The following ADGRE1 variants were observed in gnomAD, a reference collection of about 807,000 sequenced individuals.
ADGRE1 encodes the protein EGF-like module receptor 1.
In ADGRE1, 82 loss-of-function variants were observed where a neutral mutation model predicts 102.7. The ratio of observed to expected loss-of-function variants is 0.80; its 90% CI spans 0.67 to 0.96. ADGRE1 has a LOEUF of 0.96. ADGRE1 is among the 40% of genes least tolerant of loss of function. The pLI is 0.00. For missense variants in ADGRE1, 1,032 were observed against 1,085.3 expected (o/e 0.95, Z 0.69); for synonymous variants, 398 against 399.6 (o/e 1.00, Z 0.05).
chr19:6,927,305 C>CTCCCTTCTTCCCTTCCT (rs1974964034), intron 16 of ADGRE1, among the ~76,000 whole-genome samples: 2 of 138,868 alleles, frequency 1.4e-5, no homozygotes, highest in South Asian at 2.4e-4. Flanking sequence ...CCCTCTCTTC[C>CTCCCTTCTTCCCTTCCT]TCCCTTCCTC....
chr19:6,903,809 G>T lies in ADGRE1; in HGVS notation c.662-1G>T. 1 of 1,614,004 alleles carries T rather than the reference G, an allele frequency of 6.2e-7. No homozygotes were observed. The highest frequency in any genetic ancestry group is 8.5e-7 in the Non-Finnish European group (1 of 1,179,938). ...CTCCACACCCATTCTGTACCCCACA[G>T]ATATTGATGAATGCACTGAAATGTG... On this transcript the variant is annotated splice_acceptor_variant, in intron 6 of 20. Transcript: ENST00000312053. LOFTEE classifies it high-confidence loss of function.
chr19:6,906,940 A>G (rs190595220), intron 9 of ADGRE1, among the ~76,000 whole-genome samples: 185 of 152,292 alleles, frequency 1.2e-3, no homozygotes, highest in African/African-American at 4.3e-3. Context: ...ATGTTTGCCT[A>G]TCTAAAACTT....
intron 11 of ADGRE1, 128 bp from the exon 12 acceptor site, chr19:6,916,118 TATG>T: frequency 1.0e-6 from 1 of 969,240 alleles, no homozygotes; most frequent in African/African-American, 1.6e-5. Context: ...AGATCTTTCC[TATG>T]ATGAATTGAA....
At chr19:6,925,411 T>C (rs3848571) in intron 15 of ADGRE1, among the ~76,000 whole-genome samples, 83,267 of 152,054 alleles carry the variant, frequency 0.55, 25,588 homozygotes, top group African/African-American at 0.83. Flanking sequence ...GCTTCAGCCA[T>C]CACGCACGGC....
At chr19:6,888,229 TA>T (rs1458547864) in intron 1 of ADGRE1, among the ~76,000 whole-genome samples, 3 of 152,098 alleles carry the variant, frequency 2.0e-5, no homozygotes, top group African/African-American at 7.2e-5. Flanking sequence ...CCCCAAAAAA[TA>T]AGTAAACATA....
rs534669609 is a variant in ADGRE1 at position 6,908,677 on chromosome 19, T to C, written c.1039-12T>C. On this transcript the variant is annotated splice_polypyrimidine_tract_variant and intron_variant, in intron 9 of 20. Transcript: ENST00000312053. ...CTCACAAATGCTCTTTTTTTTTTTT[T>C]CTGGGACGCAGGTCTCCTTTTGTGC... 2.4e-5 allele frequency: 38 copies of C among 1,579,442 alleles called. No individual in the cohort carries two copies. The African/African-American group carries it at 4.0e-4, about 17-fold the overall frequency.
intron 16 of ADGRE1, 90 bp downstream of exon 16, chr19:6,926,691 C>A (rs1974926529): frequency 2.2e-6 from 3 of 1,341,084 alleles, no homozygotes; most frequent in African/African-American, 1.4e-5. Context: ...ACAACAGTAG[C>A]AGTAGTTGTG....
At chr19:6,916,145 TC>T in intron 11 of ADGRE1, 103 bp from the exon 12 acceptor site, 2 of 1,324,144 alleles carry the variant, frequency 1.5e-6, no homozygotes. Flanking sequence ...TCTATTCTTT[TC>T]CTTTGCTCGC....
At chr19:6,909,646 A>G (rs1369796771) in intron 10 of ADGRE1, among the ~76,000 whole-genome samples, 1 of 152,040 alleles carries the variant, frequency 6.6e-6, no homozygotes, top group African/African-American at 2.4e-5. Context: ...AACCATCACC[A>G]TTATCCATCT....
At chr19:6,929,361 G>A (rs1351519327) in intron 17 of ADGRE1, among the ~76,000 whole-genome samples, 5 of 152,136 alleles carry the variant, frequency 3.3e-5, no homozygotes, top group African/African-American at 4.8e-5. Context: ...AGGGCCCAAA[G>A]ATTGGTTGGA....
At chr19:6,911,384 AG>A (rs1974169061) in intron 10 of ADGRE1, among the ~76,000 whole-genome samples, 1 of 34,774 alleles carries the variant, frequency 2.9e-5, no homozygotes, top group African/African-American at 6.2e-5. Context: ...GATTCCTTTT[AG>A]TTTTTTTTTT....
chr19:6,896,717 G>C (rs1312657985), intron 3 of ADGRE1, 176 bp downstream of exon 3: 3 of 687,748 alleles, frequency 4.4e-6, no homozygotes, highest in Non-Finnish European at 7.0e-6. Flanking sequence ...TGATATGTGG[G>C]GGTGTTGTTA....
At chr19:6,930,711 C>G (rs959772948) in intron 17 of ADGRE1, among the ~76,000 whole-genome samples, 1 of 152,210 alleles carries the variant, frequency 6.6e-6, no homozygotes, top group African/African-American at 2.4e-5. Flanking sequence ...GATCTCAGCT[C>G]ATTGCAGTCT....
At chr19:6,899,417 G>T (rs577452786) in intron 5 of ADGRE1, among the ~76,000 whole-genome samples, 1 of 152,136 alleles carries the variant, frequency 6.6e-6, no homozygotes, top group Non-Finnish European at 1.5e-5. Context: ...GGTGGCTCAC[G>T]CCTGTAATAC....
chr19:6,897,312 T>C lies in ADGRE1; in HGVS notation c.394+8T>C, dbSNP rs1243819219. On this transcript the variant is annotated splice_region_variant and intron_variant, in intron 4 of 20. Transcript: ENST00000312053. ...GCAATTTCTCCTGTACTGGTAATGC[T>C]CTCAGGTTCCCAGGGATGGGTCTTG... 8.1e-6 allele frequency: 13 copies of C among 1,613,760 alleles called. No individual in the cohort carries two copies. Among genetic ancestry groups the C allele is most frequent in the African/African-American group, 6.7e-5 (5 of 74,826 alleles).
rs7260648 is a variant in ADGRE1, at chr19:6,921,695, T to G, written c.1621-18T>G. ...TTCCCAGAAGACCTTTGTTTTTTTG[T>G]TTTTTTGTTTTTTTTAGCCAAAGCA... On this transcript the variant is annotated intron_variant, in intron 13 of 20. Transcript: ENST00000312053. 6.4e-7 allele frequency: 1 copy of G among 1,551,564 alleles called. No individual in the cohort carries two copies. Among genetic ancestry groups the G allele is most frequent in the East Asian group, 2.3e-5 (1 of 44,304 alleles).
At chr19:6,920,598 A>G (rs1346303185) in intron 13 of ADGRE1, among the ~76,000 whole-genome samples, 1 of 127,184 alleles carries the variant, frequency 7.9e-6, no homozygotes, top group Non-Finnish European at 1.6e-5. Flanking sequence ...ACCTTGGCTC[A>G]CTGCAACCCT....
At chr19:6,907,290 C>T (rs1973997733) in intron 9 of ADGRE1, among the ~76,000 whole-genome samples, 1 of 151,898 alleles carries the variant, frequency 6.6e-6, no homozygotes, top group Non-Finnish European at 1.5e-5. Context: ...TTCAGTGGCA[C>T]TTAGACCATT....
At chr19:6,902,129 C>A in intron 6 of ADGRE1, 108 bp downstream of exon 6, 1 of 1,386,194 alleles carries the variant, frequency 7.2e-7, no homozygotes, top group Non-Finnish European at 1.0e-6. Context: ...ATCTGCAAAT[C>A]TGAAGCCAAT....
Sources: allele counts gnomAD v4.1 joint callset (sites outside exome capture counted in the v4.1 genomes callset), GRCh38; gene constraint gnomAD v4.1.1; transcripts MANE v1.5; gene names NCBI Gene and HGNC (gene_info 2026-07-23, HGNC 2026-07-21).